DOP1B: variants seen among roughly 807,000 people sequenced by gnomAD.
DOP1B encodes protein DOP1B.
Under a neutral mutation model 233.5 loss-of-function variants are expected in DOP1B, and 174 were observed. That is an observed-to-expected ratio of 0.75 (90% CI 0.66 to 0.85). DOP1B has a LOEUF of 0.85. DOP1B is among the 40% of genes least tolerant of loss of function. The probability of loss-of-function intolerance (pLI) is 0.00; values close to 1 mark genes in which losing one functional copy is unlikely to be tolerated. For synonymous variants in DOP1B, 1,190 were observed against 1,185.6 expected (o/e 1.00, Z -0.08); for missense variants, 2,652 against 2,846.6 (o/e 0.93, Z 1.56).
chr21:36,167,867 C>G (rs2065928287), intron 2 of DOP1B, among the ~76,000 whole-genome samples: 1 of 150,804 alleles, frequency 6.6e-6, no homozygotes, highest in South Asian at 2.1e-4. Flanking sequence ...GTTAGAATTA[C>G]CTTCCTTTTT....
intron 22 of DOP1B, among the ~76,000 whole-genome samples, chr21:36,253,000 C>G (rs1042186976): frequency 6.6e-6 from 1 of 152,212 alleles, no homozygotes; most frequent in African/African-American, 2.4e-5. Flanking sequence ...CAGACATGGG[C>G]GCCTGTTCTC....
intron 4 of DOP1B, among the ~76,000 whole-genome samples, chr21:36,207,297 G>A (rs1231622461): frequency 6.6e-6 from 1 of 150,704 alleles, no homozygotes; most frequent in African/African-American, 2.4e-5. Context: ...CAATTCTCCT[G>A]CCTCAGCCTC....
intron 15 of DOP1B, among the ~76,000 whole-genome samples, chr21:36,235,866 G>GGC (rs946011261): frequency 1.4e-4 from 20 of 147,808 alleles, no homozygotes; most frequent in South Asian, 7.0e-4. Context: ...AGGAAGTCGG[G>GGC]GGGGGGGCGG....
In DOP1B at chr21:36,293,655, A is replaced by G; in HGVS notation, c.*84A>G. The stretch of plus-strand genomic sequence containing the variant: ...TATTCTAAAGAAGAAAGAAGGCAGG[A>G]TAGTGCTTTTGAACAAGCCTATTTC... On this transcript the variant is annotated 3_prime_UTR_variant, in exon 37 of 37. Transcript: ENST00000691173. The G allele has an allele frequency of 1.4e-6, 2 of 1,465,752 alleles. No homozygotes were observed. 90.8% of individuals were successfully genotyped at this position (1,465,752 alleles called of 1,614,324 possible). A position where few individuals can be genotyped will look rare whatever the true frequency, so the allele number is the denominator to read the frequency against.
At chr21:36,283,956 T>TC (rs2067449359) in intron 32 of DOP1B, among the ~76,000 whole-genome samples, 1 of 146,268 alleles carries the variant, frequency 6.8e-6, no homozygotes, top group East Asian at 2.0e-4. Flanking sequence ...TTTTTTTTTT[T>TC]TTTTCCTTTG....
At chr21:36,262,381 C>A (rs561002169) in intron 24 of DOP1B, among the ~76,000 whole-genome samples, 1 of 152,278 alleles carries the variant, frequency 6.6e-6, no homozygotes, top group African/African-American at 2.4e-5. Flanking sequence ...GGACTTGGAC[C>A]TGGGACACTC....
intron 2 of DOP1B, among the ~76,000 whole-genome samples, chr21:36,176,549 G>A (rs893603050): frequency 1.3e-5 from 2 of 152,152 alleles, no homozygotes; most frequent in African/African-American, 4.8e-5. Context: ...TGACCTCTGT[G>A]GCTATGACCG....
chr21:36,186,526 G>T lies in DOP1B; in HGVS notation c.139-12544G>T, dbSNP rs187369280. On this transcript the variant is annotated intron_variant, in intron 2 of 36. Transcript: ENST00000691173. ...TTAACCCTGACACACTGGGGAAGTG[G>T]AAATAGAATGAATACCCTGTATGTT... 5.9e-5 allele frequency among the ~76,000 whole-genome samples: 9 copies of T among 152,252 alleles called. No homozygotes were observed. The East Asian group carries it at 1.5e-3, about 26-fold the overall frequency.
At chr21:36,287,933 TCA>T (rs1219772279) in intron 32 of DOP1B, 79 bp from the exon 33 acceptor site, 12 of 1,509,338 alleles carry the variant, frequency 8.0e-6, no homozygotes, top group South Asian at 1.3e-5. Flanking sequence ...GTCAGAACAG[TCA>T]CAGTTTTATT....
chr21:36,245,755 A>T lies in DOP1B; in HGVS notation c.3775A>T (p.Ile1259Phe). 1.2e-6 allele frequency: 2 copies of T among 1,613,794 alleles called. No homozygotes were observed. Among genetic ancestry groups the T allele is most frequent in the Non-Finnish European group, 1.7e-6 (2 of 1,179,936 alleles). Residue 1259 changes from isoleucine (I) to phenylalanine (F), a missense_variant, in exon 19 of 37, where the codon ATC (isoleucine) becomes TTC (phenylalanine). This residue lies in a region of DOP1B where 2,617 missense variants were observed against 2,794.3 expected (regional missense o/e 0.94). Transcript: ENST00000691173. The surrounding 1 kb of genome is among the most constrained non-coding windows in gnomAD (Gnocchi z 5.5). ...GCTCAAAACCAACCCTAAGGAATTCATCGAGGCTGTGTCCAGGACTAGCAT... is the reference window on the plus strand; with the variant it reads ...GCTCAAAACCAACCCTAAGGAATTCTTCGAGGCTGTGTCCAGGACTAGCAT... ...AVLKTNPKEF[I>F]EAVSRTSMDT...
At chr21:36,247,460 C>G (rs12626545) in intron 19 of DOP1B, 57 bp from the exon 20 acceptor site, 48,423 of 1,283,702 alleles carry the variant, frequency 0.038, 2,574 homozygotes, top group East Asian at 0.23. Context: ...GATTAGAAAC[C>G]CTTATGGCCT....
intron 15 of DOP1B, among the ~76,000 whole-genome samples, chr21:36,233,425 C>T (rs537485768): frequency 3.3e-5 from 5 of 152,282 alleles, no homozygotes; most frequent in South Asian, 2.1e-4. Context: ...GGGAAGGTGA[C>T]GTGCTGGTGG....
intron 2 of DOP1B, among the ~76,000 whole-genome samples, chr21:36,186,891 C>T (rs949113099): frequency 2.0e-5 from 3 of 152,080 alleles, no homozygotes; most frequent in African/African-American, 4.8e-5. Flanking sequence ...AGCTGGAGCC[C>T]GGACTCGGAC....
At chr21:36,290,874 G>A (rs1001968218) in intron 35 of DOP1B, among the ~76,000 whole-genome samples, 3 of 151,836 alleles carry the variant, frequency 2.0e-5, no homozygotes, top group Non-Finnish European at 4.4e-5. Flanking sequence ...GGAAGCTGAG[G>A]AAGGAGAATC....
At chr21:36,176,087 G>GGTGTGTGTGTGTGTGTGT (rs1032491278) in intron 2 of DOP1B, among the ~76,000 whole-genome samples, 18 of 96,592 alleles carry the variant, frequency 1.9e-4, no homozygotes, top group African/African-American at 5.9e-4. Context: ...TCGACTTTGG[G>GGTGTGTGTGTGTGTGTGT]GTGTGTGTGC....
chr21:36,175,962 C>T (rs2066019349), intron 2 of DOP1B: 1 of 152,186 alleles, frequency 6.6e-6, no homozygotes, highest in Non-Finnish European at 1.5e-5. Context: ...CACCTGTTTA[C>T]AAAGCTGATC....
chr21:36,164,372 C>T (rs976435410), intron 1 of DOP1B, among the ~76,000 whole-genome samples: 2 of 152,172 alleles, frequency 1.3e-5, no homozygotes, highest in East Asian at 1.9e-4. Flanking sequence ...AGGGGCTGTG[C>T]TCATTTAAAA....
At position 36,293,301 on chromosome 21, in the gene DOP1B, G is replaced by A; in HGVS notation, c.6646-19G>A. 1 of 1,610,260 alleles carries A rather than the reference G, an allele frequency of 6.2e-7. No homozygotes were observed. Among genetic ancestry groups the A allele is most frequent in the African/African-American group, 1.3e-5 (1 of 74,918 alleles). On this transcript the variant is annotated intron_variant, in intron 36 of 36. Coordinates refer to ENST00000691173, the MANE Select transcript of DOP1B (RefSeq NM_001320714.2). ...CTCAGTAAAACCATATCATTGTTATGGGTTTGTTTTTTCTGCAGGAAATCA... is the reference window on the plus strand; with the variant it reads ...CTCAGTAAAACCATATCATTGTTATAGGTTTGTTTTTTCTGCAGGAAATCA...
rs772003690 is a variant in DOP1B at position 36,200,326 on chromosome 21, C to G, written c.321-5C>G. 2.7e-5 allele frequency: 42 copies of G among 1,581,808 alleles called. No individual in the cohort carries two copies. The highest frequency in any genetic ancestry group is 4.6e-5 in the South Asian group (4 of 87,216). On this transcript the variant is annotated splice_region_variant and splice_polypyrimidine_tract_variant and intron_variant, in intron 3 of 36. Coordinates refer to ENST00000691173, the MANE Select transcript of DOP1B (RefSeq NM_001320714.2). ...TGCCCCGCTCCCTCTCGTTCTTTCT[C>G]GAAGCTGCGGGTTATTTCCTCTCCT... is the stretch of plus-strand genomic sequence containing the variant.
Sources: gnomAD v4.1 joint callset for allele counts (sites outside exome capture counted in the v4.1 genomes callset) on GRCh38, gnomAD v4.1.1 for gene constraint, gnomAD v4.1.1 regional missense constraint, Gnocchi (gnomAD v3.1) non-coding constraint, MANE v1.5 for transcripts, NCBI Gene and HGNC (gene_info 2026-07-23, HGNC 2026-07-21) for gene names.